ANKRD33B: variants seen among roughly 807,000 people sequenced by gnomAD.
The protein encoded by ANKRD33B is ankyrin repeat domain 33B.
A neutral mutation model predicts 21.5 loss-of-function variants in ANKRD33B; 6 were observed. That is an observed-to-expected ratio of 0.28 (90% CI 0.15 to 0.55). The LOEUF is 0.55. Among genes scored for constraint, ANKRD33B ranks in the 20% least tolerant of loss-of-function variants. The pLI is 0.94. For missense variants in ANKRD33B, 698 were observed against 747.2 expected (o/e 0.93, Z 0.77); for synonymous variants, 347 against 342.4 (o/e 1.01, Z -0.15).
chr5:10,598,186 CT>C (rs746610194), intron 1 of ANKRD33B, among the ~76,000 whole-genome samples: 1 of 152,168 alleles, frequency 6.6e-6, no homozygotes, highest in Non-Finnish European at 1.5e-5. Context: ...TCCTAGGAGA[CT>C]TTTGAGTATT....
chr5:10,611,195 A>G lies in ANKRD33B; in HGVS notation c.367-7138A>G, dbSNP rs542650421. Among the ~76,000 whole-genome samples the G allele has an allele frequency of 7.0e-4, 107 of 152,346 alleles. 1 individual carries two copies. The Middle Eastern group carries it at 0.02, about 29-fold the overall frequency. ...GAAGAAAGCACAAAAAGGCATTTCAACTTTTTCTGTAATGTTGATTCCTTT... is the reference window on the plus strand; with the variant it reads ...GAAGAAAGCACAAAAAGGCATTTCAGCTTTTTCTGTAATGTTGATTCCTTT... On this transcript the variant is annotated intron_variant, in intron 1 of 3. Coordinates refer to ENST00000296657, the MANE Select transcript of ANKRD33B (RefSeq NM_001164440.2).
chr5:10,585,175 G>A (rs9790911), intron 1 of ANKRD33B, among the ~76,000 whole-genome samples: 125,671 of 152,222 alleles, frequency 0.83, 51,972 homozygotes, highest in East Asian at 0.94. Context: ...GAGCTCTGCT[G>A]GCGTCGTGTT....
chr5:10,602,080 C>T (rs1735946244), intron 1 of ANKRD33B, among the ~76,000 whole-genome samples: 2 of 152,096 alleles, frequency 1.3e-5, no homozygotes. Flanking sequence ...GAAAGAAAGC[C>T]AATCAAGTAA....
At chr5:10,623,642 A>C (rs892742913) in intron 2 of ANKRD33B, among the ~76,000 whole-genome samples, 1 of 152,196 alleles carries the variant, frequency 6.6e-6, no homozygotes, top group Non-Finnish European at 1.5e-5. Flanking sequence ...GCTGGATAGG[A>C]GGGAAGATTC....
At chr5:10,624,417 G>T (rs777839886) in intron 2 of ANKRD33B, among the ~76,000 whole-genome samples, 2 of 151,912 alleles carry the variant, frequency 1.3e-5, no homozygotes, top group African/African-American at 4.8e-5. Flanking sequence ...GGCGTGAGCC[G>T]CCGGGCCTGG....
At chr5:10,613,990 CGTGTGTGTGTGTGTGT>C (rs59864065) in intron 1 of ANKRD33B, among the ~76,000 whole-genome samples, 1 of 141,290 alleles carries the variant, frequency 7.1e-6, no homozygotes, top group Non-Finnish European at 1.5e-5. Flanking sequence ...CCAGAGAAAT[CGTGTGTGTGTGTGTGT>C]GTGTGTGTGT....
At chr5:10,636,465 T>TA (rs1736868843) in intron 2 of ANKRD33B, among the ~76,000 whole-genome samples, 3 of 151,844 alleles carry the variant, frequency 2.0e-5, no homozygotes, top group African/African-American at 7.3e-5. Flanking sequence ...AAATTTTTTT[T>TA]AATTAGCTGG....
At chr5:10,579,100 G>A (rs891458248) in intron 1 of ANKRD33B, among the ~76,000 whole-genome samples, 1 of 151,142 alleles carries the variant, frequency 6.6e-6, no homozygotes, top group Admixed American at 6.6e-5. Context: ...GGAAGTCAAG[G>A]CTGCAGTGAG....
chr5:10,620,856 A>G (rs1736404883), intron 2 of ANKRD33B, among the ~76,000 whole-genome samples: 1 of 152,242 alleles, frequency 6.6e-6, no homozygotes, highest in Non-Finnish European at 1.5e-5. Context: ...TGTAATTAGT[A>G]AGTAATCTGC....
chr5:10,577,281 C>G (rs771847165), intron 1 of ANKRD33B, among the ~76,000 whole-genome samples: 6 of 152,190 alleles, frequency 3.9e-5, no homozygotes, highest in Non-Finnish European at 7.3e-5. Context: ...AGGCACCCAC[C>G]ACCATGCCTG....
chr5:10,644,470 C>A (rs1224947176), intron 3 of ANKRD33B, among the ~76,000 whole-genome samples: 1 of 152,202 alleles, frequency 6.6e-6, no homozygotes, highest in Non-Finnish European at 1.5e-5. Context: ...AGCTCACTTT[C>A]AGACCTGAAG....
In ANKRD33B at chr5:10,564,351, C is replaced by A; in HGVS notation, c.-117C>A. The A allele has an allele frequency of 2.8e-6, 2 of 718,636 alleles. No homozygotes were observed. Among genetic ancestry groups the A allele is most frequent in the African/African-American group, 1.9e-5 (1 of 52,108 alleles). The allele number at this position is 718,636 out of a possible 1,614,324, so 44.5% of individuals were successfully genotyped here. A position where few individuals can be genotyped will look rare whatever the true frequency, so the allele number is the denominator to read the frequency against. On this transcript the variant is annotated 5_prime_UTR_variant, in exon 1 of 4. Coordinates refer to ENST00000296657, the MANE Select transcript of ANKRD33B (RefSeq NM_001164440.2). ...TGCCGGTTTCCGCCGAGCTGGAGCG[C>A]GCGGGCCACGGCTTCTCTGGGGACG...
intron 1 of ANKRD33B, among the ~76,000 whole-genome samples, chr5:10,610,410 C>T (rs545061051): frequency 1.3e-5 from 2 of 151,996 alleles, no homozygotes; most frequent in Non-Finnish European, 2.9e-5. Context: ...AGCCCCCCCC[C>T]CGAATAAAGA....
intron 2 of ANKRD33B, chr5:10,624,660 T>C (rs1440658336): frequency 9.1e-6 from 4 of 439,844 alleles, no homozygotes; most frequent in Non-Finnish European, 1.8e-5. Context: ...AAAGCTTCCT[T>C]GTGTGTGTCT....
At chr5:10,584,460 C>CA (rs141957888) in intron 1 of ANKRD33B, among the ~76,000 whole-genome samples, 5,361 of 151,936 alleles carry the variant, frequency 0.035, 326 homozygotes, top group African/African-American at 0.12. Flanking sequence ...GCAGGAGGAT[C>CA]ACTTGAGCTG....
rs538911209 is a variant in ANKRD33B at position 10,633,555 on chromosome 5, C to G, written c.497-4473C>G. Among the ~76,000 whole-genome samples, 8 of 152,324 alleles carry G rather than the reference C, an allele frequency of 5.3e-5. No homozygotes were observed. The East Asian group carries it at 1.5e-3, about 29-fold the overall frequency. ...TGACGCGCTGAACACAATGAATGGA[C>G]GCGTGTCAATTCACCATTATTAACT... On this transcript the variant is annotated intron_variant, in intron 2 of 3. Coordinates refer to ENST00000296657, the MANE Select transcript of ANKRD33B (RefSeq NM_001164440.2).
chr5:10,657,142 G>GA lies in ANKRD33B; in HGVS notation c.*7033dup, dbSNP rs2126618628. The stretch of plus-strand genomic sequence containing the variant: ...CTACACAGCTATGGATACACCTGAT[G>GA]AAAACCGCAAAAGGCGATGACAGGC... On this transcript the variant is annotated 3_prime_UTR_variant, in exon 4 of 4. Transcript: ENST00000296657. 6.6e-6 allele frequency: 1 copy of GA among 152,490 alleles called. No individual in the cohort carries two copies. The highest frequency in any genetic ancestry group is 1.9e-4 in the East Asian group (1 of 5,326). The allele number at this position is 152,490 out of a possible 1,614,324, so 9.4% of individuals were successfully genotyped here.
intron 1 of ANKRD33B, among the ~76,000 whole-genome samples, chr5:10,572,667 A>G (rs1400469323): frequency 6.6e-6 from 1 of 152,320 alleles, no homozygotes. Flanking sequence ...CTGTTCCCCA[A>G]GTGGACACTG....
Position 10,654,928 on chromosome 5 carries a change from G to GC in ANKRD33B, c.*4819dup, listed in dbSNP as rs895383790. 26 of 152,484 alleles carry GC rather than the reference G, an allele frequency of 1.7e-4. No homozygotes were observed. The highest frequency in any genetic ancestry group is 6.3e-4 in the African/African-American group (26 of 41,466). The allele number at this position is 152,484 out of a possible 1,614,324, so 9.4% of individuals were successfully genotyped here. On this transcript the variant is annotated 3_prime_UTR_variant, in exon 4 of 4. Transcript: ENST00000296657. The stretch of plus-strand genomic sequence containing the variant: ...TGGAATTACTCGATGTGCAGAGGCT[G>GC]CCCCTTGGCCGCACTTGGGAACATC...
Sources: allele counts gnomAD v4.1 joint callset (sites outside exome capture counted in the v4.1 genomes callset), GRCh38; gene constraint gnomAD v4.1.1; transcripts MANE v1.5; gene names NCBI Gene and HGNC (gene_info 2026-07-23, HGNC 2026-07-21).